MCPH1: variants seen among roughly 807,000 people sequenced by gnomAD.
MCPH1 encodes microcephalin.
In MCPH1, 104 loss-of-function variants were observed where a neutral mutation model predicts 84.5. That is an observed-to-expected ratio of 1.23 (90% CI 1.05 to 1.45). The LOEUF is 1.45. Among genes scored for constraint, MCPH1 ranks in the 40% most tolerant of loss-of-function variants. MCPH1 has a pLI of 0.00. For missense variants in MCPH1, 1,498 were observed against 1,005.7 expected, an observed-to-expected ratio of 1.49 and a Z score of -6.62; for synonymous variants, 514 against 366.8, an observed-to-expected ratio of 1.40 and a Z score of -4.58.
chr8:6,431,847 A>G (rs976976618), intron 4 of MCPH1, among the ~76,000 whole-genome samples: 1 of 152,338 alleles, frequency 6.6e-6, no homozygotes, highest in Non-Finnish European at 1.5e-5. Context: ...GAGACAAGCA[A>G]ACATTTAGGT....
chr8:6,577,630 T>G (rs1482111238), intron 12 of MCPH1, among the ~76,000 whole-genome samples: 1 of 152,264 alleles, frequency 6.6e-6, no homozygotes, highest in African/African-American at 2.4e-5. Context: ...AAATCTTTGT[T>G]CATGAAAGGC....
chr8:6,481,930 C>G (rs1195608136), intron 11 of MCPH1, among the ~76,000 whole-genome samples: 1 of 152,176 alleles, frequency 6.6e-6, no homozygotes. Flanking sequence ...CAGAAAATAA[C>G]AATTTATAAG....
intron 9 of MCPH1, among the ~76,000 whole-genome samples, chr8:6,462,321 C>G (rs900995141): frequency 6.6e-6 from 1 of 152,164 alleles, no homozygotes; most frequent in Non-Finnish European, 1.5e-5. Flanking sequence ...AGTCTATATC[C>G]TGTTAGTCTC....
At chr8:6,455,740 C>T (rs978615871) in intron 9 of MCPH1, among the ~76,000 whole-genome samples, 1 of 152,210 alleles carries the variant, frequency 6.6e-6, no homozygotes, top group African/African-American at 2.4e-5. Flanking sequence ...TCCGCTGATC[C>T]TCTTACATGA....
chr8:6,585,444 G>T (rs1459967714), intron 12 of MCPH1, among the ~76,000 whole-genome samples: 2 of 152,218 alleles, frequency 1.3e-5, no homozygotes, highest in Non-Finnish European at 2.9e-5. Context: ...TCCCGGGAAC[G>T]CCGGCTTTTC....
At position 6,626,179 on chromosome 8, in the gene MCPH1, G is replaced by A. The variant is rs143356529; in HGVS notation, c.2452+4488G>A. The A allele has an allele frequency of 7.8e-4, 765 of 985,290 alleles. 4 individuals are homozygous for A. In the African/African-American group the frequency reaches 0.012, roughly 16 times the overall value. The allele number at this position is 985,290 out of a possible 1,614,324, so 61.0% of individuals were successfully genotyped here. On this transcript the variant is annotated intron_variant, in intron 13 of 13. Coordinates refer to ENST00000344683, the MANE Select transcript of MCPH1 (RefSeq NM_024596.5). Reference sequence around the variant, plus strand: ...TCAGCTCTGAGGTGACCCTCAGCTCGCCCGCCACCCCAGCTGCCCCACCTT... The same window carrying A: ...TCAGCTCTGAGGTGACCCTCAGCTCACCCGCCACCCCAGCTGCCCCACCTT...
In MCPH1 at chr8:6,408,224, G is replaced by A. The variant is rs112322104; in HGVS notation, c.23-1055G>A. Among the ~76,000 whole-genome samples the A allele has an allele frequency of 1.6e-4, 24 of 152,264 alleles. 1 individual carries two copies. Among genetic ancestry groups the A allele is most frequent in the African/African-American group, 5.3e-4 (22 of 41,554 alleles). On this transcript the variant is annotated intron_variant, in intron 1 of 13. Coordinates refer to ENST00000344683, the MANE Select transcript of MCPH1 (RefSeq NM_024596.5). ...ATTCCACTGAAGCTATTTTGAAAAG[G>A]CTTTCAGTAGAAATTTATTTATGAG... is the stretch of plus-strand genomic sequence containing the variant.
At chr8:6,469,907 A>G (rs959800180) in intron 9 of MCPH1, among the ~76,000 whole-genome samples, 9 of 151,564 alleles carry the variant, frequency 5.9e-5, no homozygotes, top group African/African-American at 2.2e-4. Flanking sequence ...ACAGTGTTTC[A>G]TGTCTGTTAT....
intron 12 of MCPH1, among the ~76,000 whole-genome samples, chr8:6,533,948 G>C (rs904978233): frequency 6.6e-6 from 1 of 152,102 alleles, no homozygotes; most frequent in African/African-American, 2.4e-5. Flanking sequence ...CTTGTGACTG[G>C]TATCAGATGG....
chr8:6,454,815 T>A (rs1029052263), intron 8 of MCPH1, among the ~76,000 whole-genome samples: 9 of 152,336 alleles, frequency 5.9e-5, no homozygotes, highest in African/African-American at 2.2e-4. Context: ...CTGTTCTTTG[T>A]CATTATTTTA....
chr8:6,614,814 A>C (rs1480846696), intron 12 of MCPH1, among the ~76,000 whole-genome samples: 3 of 152,148 alleles, frequency 2.0e-5, no homozygotes, highest in African/African-American at 7.2e-5. Context: ...GAAGCCAGTC[A>C]CATTACTGGA....
intron 12 of MCPH1, among the ~76,000 whole-genome samples, chr8:6,505,809 C>T (rs1813548720): frequency 8.0e-6 from 1 of 124,602 alleles, no homozygotes; most frequent in Non-Finnish European, 1.7e-5. Context: ...CATGCATATT[C>T]TTTATATATG....
Position 6,474,105 on chromosome 8 carries a change from C to G in MCPH1, c.1936-3489C>G, listed in dbSNP as rs1808125131. 4 of 770,304 alleles carry G rather than the reference C, an allele frequency of 5.2e-6. No homozygotes were observed. In the South Asian group the frequency reaches 5.4e-5, roughly 10 times the overall value. 47.7% of individuals were successfully genotyped at this position (770,304 alleles called of 1,614,324 possible). ...ACAAAAACTATGTGAAACCAGCGTT[C>G]AGGGAAGAAATCACAACCGTGGTAA... On this transcript the variant is annotated intron_variant, in intron 9 of 13. Transcript: ENST00000344683.
intron 12 of MCPH1, among the ~76,000 whole-genome samples, chr8:6,619,788 G>A (rs1435417340): frequency 2.0e-5 from 3 of 152,010 alleles, no homozygotes; most frequent in Admixed American, 2.0e-4. Context: ...GTTTCACCAT[G>A]TTAGCCAGGA....
At chr8:6,488,093 A>T (rs1810145640) in intron 11 of MCPH1, among the ~76,000 whole-genome samples, 1 of 152,154 alleles carries the variant, frequency 6.6e-6, no homozygotes, top group Non-Finnish European at 1.5e-5. Context: ...TGCTTCTTTC[A>T]CTTGAGGTGG....
intron 12 of MCPH1, chr8:6,500,217 G>A: frequency 2.4e-6 from 1 of 408,850 alleles, no homozygotes; most frequent in South Asian, 2.3e-5. Flanking sequence ...GAATTCTTGG[G>A]CAGGTAGTCT....
At chr8:6,439,940 G>T (rs374577644) in intron 6 of MCPH1, among the ~76,000 whole-genome samples, 2 of 152,182 alleles carry the variant, frequency 1.3e-5, no homozygotes, top group Admixed American at 6.5e-5. Flanking sequence ...ATCTGTTTCA[G>T]TGTATCAGAT....
chr8:6,639,934 T>A (rs4840522), intron 13 of MCPH1, among the ~76,000 whole-genome samples: 1 of 152,076 alleles, frequency 6.6e-6, no homozygotes, highest in Non-Finnish European at 1.5e-5. Context: ...AAACAAGATG[T>A]CACTATGTTG....
intron 12 of MCPH1, among the ~76,000 whole-genome samples, chr8:6,578,602 A>G (rs1164341045): frequency 6.6e-6 from 1 of 152,242 alleles, no homozygotes; most frequent in African/African-American, 2.4e-5. Flanking sequence ...CCAAAATGCT[A>G]GTATTTTGGA....
Sources: gnomAD v4.1 joint callset for allele counts (sites outside exome capture counted in the v4.1 genomes callset) on GRCh38, gnomAD v4.1.1 for gene constraint, MANE v1.5 for transcripts, NCBI Gene and HGNC (gene_info 2026-07-23, HGNC 2026-07-21) for gene names.